The following FBLN1 variants were observed in gnomAD, a reference collection of about 807,000 sequenced individuals.
FBLN1 encodes fibulin-1.
In FBLN1, 34 loss-of-function variants were observed where a neutral mutation model predicts 89.7. The observed-to-expected ratio is 0.38, with a 90% CI of 0.29 to 0.50. The LOEUF (loss-of-function observed/expected upper bound fraction) is 0.50. Ranked by LOEUF, FBLN1 falls within the 20% of genes least tolerant of loss-of-function variation. FBLN1 has a pLI of 0.92. For missense variants in FBLN1, 777 were observed against 988.1 expected (o/e 0.79, Z 2.86); for synonymous variants, 393 against 391.3 (o/e 1.00, Z -0.05).
chr22:45,525,681 G>A lies in FBLN1; in HGVS notation c.321+3G>A, dbSNP rs554954339. Reference sequence around the variant, plus strand: ...GCCTGGAGGCCACATTTGTGAAGGTGAGAGCCAAAGACCATGTGGGGTCGC... The same window carrying A: ...GCCTGGAGGCCACATTTGTGAAGGTAAGAGCCAAAGACCATGTGGGGTCGC... On this transcript the variant is annotated splice_donor_region_variant and intron_variant, in intron 3 of 16. Transcript: ENST00000327858. 12 of 1,551,424 alleles carry A rather than the reference G, an allele frequency of 7.7e-6. No homozygotes were observed. The South Asian group carries it at 1.2e-4, about 15-fold the overall frequency.
At chr22:45,527,216 G>A (rs1387278837) in intron 3 of FBLN1, among the ~76,000 whole-genome samples, 1 of 152,188 alleles carries the variant, frequency 6.6e-6, no homozygotes, top group Non-Finnish European at 1.5e-5. Flanking sequence ...TCGTGTGTCA[G>A]GGCAAATGTT....
chr22:45,541,576 G>T (rs1047872278), intron 9 of FBLN1, among the ~76,000 whole-genome samples: 19 of 152,168 alleles, frequency 1.2e-4, no homozygotes, highest in Admixed American at 1.0e-3. Context: ...AGCCTTGTCT[G>T]GCTTGTCCTG....
intron 14 of FBLN1, chr22:45,551,176 G>T: frequency 5.3e-6 from 1 of 189,418 alleles, no homozygotes; most frequent in Non-Finnish European, 1.1e-5. Context: ...CTCACTCCTA[G>T]GCCATCACGG....
intron 14 of FBLN1, among the ~76,000 whole-genome samples, chr22:45,570,319 C>CAAAA (rs761469854): frequency 1.7e-3 from 62 of 36,420 alleles, no homozygotes; most frequent in Non-Finnish European, 2.5e-3. Flanking sequence ...GACTCTGTCT[C>CAAAA]AAAAAAAAAA....
chr22:45,567,628 T>C (rs1041568090), intron 14 of FBLN1, among the ~76,000 whole-genome samples: 2 of 151,970 alleles, frequency 1.3e-5, no homozygotes, highest in Admixed American at 6.6e-5. Context: ...AAAAAAGATA[T>C]GCAAAACGTG....
Position 45,550,323 on chromosome 22 carries a change from G to T in FBLN1, c.1574-169G>T, listed in dbSNP as rs902812225. Among the ~76,000 whole-genome samples the T allele has an allele frequency of 6.6e-6, 1 of 152,224 alleles. No individual in the cohort carries two copies. Among genetic ancestry groups the T allele is most frequent in the Non-Finnish European group, 1.5e-5 (1 of 68,042 alleles). On this transcript the variant is annotated intron_variant, in intron 13 of 16. Transcript: ENST00000327858. This position sits in a 1 kb window ranked among gnomAD's most constrained non-coding sequence, Gnocchi z 8.4. Reference sequence around the variant, plus strand: ...CTATAAATGTAAATACCCTATAAATGTAAGAACTGGCACAGGACGCTGCTC... The same window carrying T: ...CTATAAATGTAAATACCCTATAAATTTAAGAACTGGCACAGGACGCTGCTC...
At chr22:45,525,745 G>T (rs1374819401) in intron 3 of FBLN1, 67 bp downstream of exon 3, 4 of 1,546,570 alleles carry the variant, frequency 2.6e-6, no homozygotes, top group Non-Finnish European at 3.5e-6. Flanking sequence ...GGCCCTCCCA[G>T]CCAAGCGGCA....
intron 1 of FBLN1, chr22:45,517,768 C>T: frequency 2.6e-6 from 1 of 390,504 alleles, no homozygotes; most frequent in South Asian, 2.0e-5. Flanking sequence ...TATGTCCCCC[C>T]TCCTGCCCCT....
intron 16 of FBLN1, among the ~76,000 whole-genome samples, chr22:45,592,244 GTCTCC>G (rs1267688235): frequency 6.6e-6 from 1 of 152,222 alleles, no homozygotes; most frequent in Non-Finnish European, 1.5e-5. Flanking sequence ...CTCCACCCAT[GTCTCC>G]TGCTGTGTGG....
intron 14 of FBLN1, among the ~76,000 whole-genome samples, chr22:45,571,802 A>G (rs1392145990): frequency 6.6e-6 from 1 of 152,202 alleles, no homozygotes; most frequent in African/African-American, 2.4e-5. Context: ...CCTCCCTAGT[A>G]TCCAGACTGG....
In FBLN1 at chr22:45,557,218, T is replaced by A. The variant is rs1296683210; in HGVS notation, c.1697+6603T>A. Among the ~76,000 whole-genome samples the A allele has an allele frequency of 6.6e-6, 1 of 152,196 alleles. No individual in the cohort carries two copies. Among genetic ancestry groups the A allele is most frequent in the Non-Finnish European group, 1.5e-5 (1 of 68,032 alleles). On this transcript the variant is annotated intron_variant, in intron 14 of 16. Transcript: ENST00000327858. The surrounding 1 kb of genome is among the most constrained non-coding windows in gnomAD (Gnocchi z 4.9). The stretch of plus-strand genomic sequence containing the variant: ...TGGTCAGAGGCAATGCTGTGTGGAA[T>A]ACCATGAGGGTGGATAAGGCATTCT...
At position 45,550,104 on chromosome 22, in the gene FBLN1, G is replaced by T. The variant is rs2088682620; in HGVS notation, c.1574-388G>T. Among the ~76,000 whole-genome samples the T allele has an allele frequency of 6.6e-6, 1 of 152,120 alleles. No individual in the cohort carries two copies. Among genetic ancestry groups the T allele is most frequent in the Non-Finnish European group, 1.5e-5 (1 of 68,024 alleles). On this transcript the variant is annotated intron_variant, in intron 13 of 16. Transcript: ENST00000327858. This position sits in a 1 kb window ranked among gnomAD's most constrained non-coding sequence, Gnocchi z 8.4. The stretch of plus-strand genomic sequence containing the variant: ...AGCTCAGCTCTGACATTTATAAAAT[G>T]TGTGACCTCAGGCAGGTCTCTTAAG...
At position 45,583,991 on chromosome 22, in the gene FBLN1, G is replaced by C. The variant is rs963191849; in HGVS notation, c.1972+6883G>C. Among the ~76,000 whole-genome samples, 2 of 152,104 alleles carry C rather than the reference G, an allele frequency of 1.3e-5. No homozygotes were observed. The highest frequency in any genetic ancestry group is 2.9e-5 in the Non-Finnish European group (2 of 68,016). On this transcript the variant is annotated intron_variant, in intron 16 of 16. Transcript: ENST00000327858. This position sits in a 1 kb window ranked among gnomAD's most constrained non-coding sequence, Gnocchi z 4.5. ...CCTGCACTATCGATGTAGGTGTGAG[G>C]GTCTTTGGGTTGTATCCAGCTGTCC...
intron 2 of FBLN1, among the ~76,000 whole-genome samples, chr22:45,523,440 C>T (rs1355621286): frequency 2.0e-5 from 3 of 152,212 alleles, no homozygotes; most frequent in African/African-American, 7.2e-5. Context: ...CAGTGGCTCA[C>T]GCCTATAATC....
At chr22:45,600,166 C>G (rs557145676) in intron 16 of FBLN1, 141 bp from the exon 17 acceptor site, 122 of 965,646 alleles carry the variant, frequency 1.3e-4, no homozygotes, top group Non-Finnish European at 1.7e-4. Flanking sequence ...TCAGGGGACT[C>G]GAGCATCTGG....
intron 16 of FBLN1, among the ~76,000 whole-genome samples, chr22:45,596,994 T>C (rs1016289259): frequency 6.6e-6 from 1 of 151,368 alleles, no homozygotes; most frequent in African/African-American, 2.4e-5. Context: ...AATATAATAA[T>C]AACAGAAATA....
intron 4 of FBLN1, among the ~76,000 whole-genome samples, chr22:45,528,869 G>A (rs1339614670): frequency 6.6e-6 from 1 of 152,176 alleles, no homozygotes; most frequent in African/African-American, 2.4e-5. Context: ...GTGACGCTGA[G>A]TGCTTGGAGT....
Position 45,580,330 on chromosome 22 carries a change from A to C in FBLN1, c.1972+3222A>C, listed in dbSNP as rs905461238. ...CTCTGTGCTGCCTGCAGCACACGGC[A>C]GGGAACGCCGCCTACTCACGGTGCT... On this transcript the variant is annotated intron_variant, in intron 16 of 16. Coordinates refer to ENST00000327858, the MANE Select transcript of FBLN1 (RefSeq NM_006486.3). The surrounding 1 kb of genome is among the most constrained non-coding windows in gnomAD (Gnocchi z 8.6). 2.0e-5 allele frequency among the ~76,000 whole-genome samples: 3 copies of C among 152,106 alleles called. No individual in the cohort carries two copies. The East Asian group carries it at 5.8e-4, about 30-fold the overall frequency.
In FBLN1 at chr22:45,529,203, C is replaced by T. The variant is rs143409287; in HGVS notation, c.484+1194C>T. Among the ~76,000 whole-genome samples the T allele has an allele frequency of 7.2e-5, 11 of 152,362 alleles. 1 individual carries two copies. In the East Asian group the frequency reaches 2.1e-3, roughly 29 times the overall value. On this transcript the variant is annotated intron_variant, in intron 4 of 16. Coordinates refer to ENST00000327858, the MANE Select transcript of FBLN1 (RefSeq NM_006486.3). ...TTCCACCTCCTGGCCAGTGCCCTCT[C>T]CATCTGGAGCTGACGATGTATGGGC...
Sources: gnomAD v4.1 joint callset for allele counts (sites outside exome capture counted in the v4.1 genomes callset) on GRCh38, gnomAD v4.1.1 for gene constraint, Gnocchi (gnomAD v3.1) non-coding constraint, MANE v1.5 for transcripts, NCBI Gene and HGNC (gene_info 2026-07-23, HGNC 2026-07-21) for gene names.